The following UGGT2 variants were observed in gnomAD, a reference collection of about 807,000 sequenced individuals.
UGGT2 encodes UDP-glucose:glycoprotein glucosyltransferase 2.
In UGGT2, 180 loss-of-function variants were observed where a neutral mutation model predicts 192.1. That is an observed-to-expected ratio of 0.94 (90% CI 0.83 to 1.06). UGGT2 has a LOEUF of 1.06. UGGT2 is among the 50% of genes least tolerant of loss of function. The pLI is 0.00. For missense variants in UGGT2, 1,849 were observed against 1,795.7 expected (o/e 1.03, Z -0.54); for synonymous variants, 580 against 591.0 (o/e 0.98, Z 0.27).
In UGGT2 at chr13:95,965,098, C is replaced by T. The variant is rs1419821758; in HGVS notation, c.1335+5014G>A. 1.1e-4 allele frequency among the ~76,000 whole-genome samples: 17 copies of T among 150,572 alleles called. No homozygotes were observed. In the South Asian group the frequency reaches 3.2e-3, roughly 28 times the overall value. ...TTAAAAAGTCAGGAAACAACAGGTG[C>T]TGGAGAGGATGTGGAGAAATAGGAA... On this transcript the variant is annotated intron_variant, in intron 12 of 38. Transcript: ENST00000376747.
At chr13:95,832,801 T>C (rs1886867463) in intron 38 of UGGT2, 126 bp downstream of exon 38, 21 of 1,395,580 alleles carry the variant, frequency 1.5e-5, no homozygotes, top group Non-Finnish European at 2.0e-5. Context: ...CTTTAAATTA[T>C]GCCACAGACT....
intron 30 of UGGT2, among the ~76,000 whole-genome samples, chr13:95,865,404 G>C (rs7321296): frequency 0.36 from 54,305 of 152,114 alleles, 10,205 homozygotes; most frequent in Non-Finnish European, 0.42. Context: ...CAGCACTCTG[G>C]GAGGCCAAGG....
intron 12 of UGGT2, among the ~76,000 whole-genome samples, chr13:95,963,909 A>C (rs2050483838): frequency 6.6e-6 from 1 of 152,156 alleles, no homozygotes; most frequent in Non-Finnish European, 1.5e-5. Flanking sequence ...TAAATATTAA[A>C]ATGATGATAC....
intron 12 of UGGT2, among the ~76,000 whole-genome samples, chr13:95,951,215 A>G (rs2050050526): frequency 6.6e-6 from 1 of 152,210 alleles, no homozygotes; most frequent in Non-Finnish European, 1.5e-5. Context: ...AGACAAATCA[A>G]TAAACAGATA....
rs1566626043 is a variant in UGGT2, at chr13:95,877,840, G to GT, written c.3244dup (p.Thr1082AsnfsTer5). 4.3e-6 allele frequency: 7 copies of GT among 1,612,918 alleles called. No homozygotes were observed. The highest frequency in any genetic ancestry group is 5.9e-6 in the Non-Finnish European group (7 of 1,179,644). On this transcript the variant is annotated frameshift_variant, in exon 28 of 39. Transcript: ENST00000376747. LOFTEE classifies it high-confidence loss of function. ...TAAGTATTCTAGTTCATATTCTGCT[G>GT]TAACAGTTTTCTCAGTCTGTGGAGG... is the stretch of plus-strand genomic sequence containing the variant.
At chr13:95,883,260 T>C (rs1436114121) in intron 27 of UGGT2, among the ~76,000 whole-genome samples, 1 of 152,136 alleles carries the variant, frequency 6.6e-6, no homozygotes, top group Non-Finnish European at 1.5e-5. Context: ...TTATAAACAA[T>C]CTTAACCAAA....
At chr13:95,841,736 G>C (rs949008761) in intron 36 of UGGT2, among the ~76,000 whole-genome samples, 1 of 151,886 alleles carries the variant, frequency 6.6e-6, no homozygotes, top group African/African-American at 2.4e-5. Flanking sequence ...TTGTGCTTTT[G>C]GTTTTATAAC....
Position 95,827,904 on chromosome 13 carries a change from T to C in UGGT2, c.4528+5023A>G, listed in dbSNP as rs1030510840. 3.3e-5 allele frequency among the ~76,000 whole-genome samples: 5 copies of C among 152,136 alleles called. No individual in the cohort carries two copies. In the East Asian group the frequency reaches 7.7e-4, roughly 23 times the overall value. On this transcript the variant is annotated intron_variant, in intron 38 of 38. Coordinates refer to ENST00000376747, the MANE Select transcript of UGGT2 (RefSeq NM_020121.4). Reference sequence around the variant, plus strand: ...AGCAGAACAGCTGACACCAACCAGTTTGAAGATCCCCACAAAGTAACCAAT... The same window carrying C: ...AGCAGAACAGCTGACACCAACCAGTCTGAAGATCCCCACAAAGTAACCAAT...
chr13:95,903,482 T>C (rs771968444), intron 20 of UGGT2, among the ~76,000 whole-genome samples: 1 of 152,194 alleles, frequency 6.6e-6, no homozygotes, highest in African/African-American at 2.4e-5. Context: ...CACTCTCTTG[T>C]CATTTATGGT....
chr13:95,805,726 G>A (rs1884269750), intron 38 of UGGT2, among the ~76,000 whole-genome samples: 2 of 152,054 alleles, frequency 1.3e-5, no homozygotes, highest in East Asian at 1.9e-4. Flanking sequence ...AGTATCTAGA[G>A]TAGTCAAATT....
chr13:95,980,663 C>G (rs1326485235), intron 10 of UGGT2, among the ~76,000 whole-genome samples: 1 of 152,126 alleles, frequency 6.6e-6, no homozygotes, highest in South Asian at 2.1e-4. Context: ...TTAACTAAAG[C>G]CTTTGCGCCC....
chr13:95,842,814 C>T (rs1001989917), intron 36 of UGGT2, among the ~76,000 whole-genome samples: 1 of 152,214 alleles, frequency 6.6e-6, no homozygotes, highest in East Asian at 1.9e-4. Context: ...AGAATAAACC[C>T]TGTCCACAAC....
At chr13:95,952,330 AC>A (rs2050090811) in intron 12 of UGGT2, among the ~76,000 whole-genome samples, 1 of 151,968 alleles carries the variant, frequency 6.6e-6, no homozygotes, top group Non-Finnish European at 1.5e-5. Context: ...CAAAAGATAT[AC>A]CCACCCCCTA....
chr13:95,869,272 T>C (rs1202143041), intron 29 of UGGT2, among the ~76,000 whole-genome samples: 1 of 152,194 alleles, frequency 6.6e-6, no homozygotes, highest in Admixed American at 6.5e-5. Flanking sequence ...CACATTTTCT[T>C]AATCCAGTCT....
chr13:95,973,790 G>A (rs1444770743), intron 10 of UGGT2, among the ~76,000 whole-genome samples: 1 of 152,168 alleles, frequency 6.6e-6, no homozygotes, highest in African/African-American at 2.4e-5. Context: ...ATTTGGGCAA[G>A]TTCAAATCAC....
intron 17 of UGGT2, among the ~76,000 whole-genome samples, chr13:95,929,061 G>C (rs1351209206): frequency 1.3e-5 from 2 of 152,108 alleles, no homozygotes; most frequent in Admixed American, 6.5e-5. Context: ...AGGCGTGGCG[G>C]CGCGCGCCTG....
chr13:96,006,570 G>A (rs1436435870), intron 5 of UGGT2, among the ~76,000 whole-genome samples: 1 of 143,106 alleles, frequency 7.0e-6, no homozygotes. Context: ...GCTGCAGTGA[G>A]CTGAGATTGC....
chr13:95,831,613 G>T (rs977453528), intron 38 of UGGT2, among the ~76,000 whole-genome samples: 5 of 151,818 alleles, frequency 3.3e-5, no homozygotes, highest in African/African-American at 1.2e-4. Context: ...TAAGTTTGTT[G>T]AAGTGAATTG....
At chr13:95,962,488 T>C (rs1452531883) in intron 12 of UGGT2, among the ~76,000 whole-genome samples, 1 of 152,062 alleles carries the variant, frequency 6.6e-6, no homozygotes, top group African/African-American at 2.4e-5. Flanking sequence ...ACACCAAGAC[T>C]GAATTAGGAA....
Sources: allele counts gnomAD v4.1 joint callset (sites outside exome capture counted in the v4.1 genomes callset), GRCh38; gene constraint gnomAD v4.1.1; transcripts MANE v1.5; gene names NCBI Gene and HGNC (gene_info 2026-07-23, HGNC 2026-07-21).